Variants in GPHN observed in about 807,000 individuals in gnomAD.
GPHN encodes gephyrin.
Under a neutral mutation model 95.5 loss-of-function variants are expected in GPHN, and 17 were observed. The ratio of observed to expected loss-of-function variants is 0.18; its 90% CI spans 0.12 to 0.27. The LOEUF (loss-of-function observed/expected upper bound fraction) is 0.27, where lower values mean the gene tolerates loss of function less well. Among genes scored for constraint, GPHN ranks in the 10% least tolerant of loss-of-function variants. The pLI is 1.00. For missense variants in GPHN, 660 were observed against 978.1 expected, an observed-to-expected ratio of 0.67 and a Z score of 4.34; for synonymous variants, 320 against 322.5, an observed-to-expected ratio of 0.99 and a Z score of 0.08.
intron 1 of GPHN, among the ~76,000 whole-genome samples, chr14:66,606,402 G>A (rs1396020276): frequency 6.6e-6 from 1 of 152,088 alleles, no homozygotes; most frequent in Non-Finnish European, 1.5e-5. Context: ...TAGCCTTATA[G>A]TATAGTTTGA....
the GPHN span, chr14:67,198,158 C>T: frequency 8.1e-4 from 1,305 of 1,608,700 alleles, 14 homozygotes; most frequent in African/African-American, 0.014. Context: ...TATGTGCAAG[C>T]GCAATGAAGA....
At chr14:67,369,127 C>G in the GPHN span, among the ~76,000 whole-genome samples, 1 of 152,034 alleles carries the variant, frequency 6.6e-6, no homozygotes, top group Non-Finnish European at 1.5e-5. Context: ...AAGCAAGACT[C>G]GACGATAATC....
the GPHN span, among the ~76,000 whole-genome samples, chr14:67,439,534 T>TTTCTTTCC: frequency 3.7e-4 from 5 of 13,452 alleles, no homozygotes; most frequent in East Asian, 4.3e-3. Context: ...AATTCAATAG[T>TTTCTTTCC]TTCTTTCTTT....
At chr14:66,913,110 A>G (rs963334137) in intron 5 of GPHN, among the ~76,000 whole-genome samples, 7 of 152,130 alleles carry the variant, frequency 4.6e-5, no homozygotes, top group East Asian at 1.9e-4. Flanking sequence ...AAATTCCTGT[A>G]TGATGCATAT....
At chr14:67,268,516 G>A in the GPHN span, among the ~76,000 whole-genome samples, 32 of 152,214 alleles carry the variant, frequency 2.1e-4, no homozygotes, top group African/African-American at 7.7e-4. Context: ...TAAGCAAGGG[G>A]TGGATTCATG....
chr14:67,203,064 A>T, the GPHN span: 1 of 1,603,050 alleles, frequency 6.2e-7, no homozygotes, highest in Non-Finnish European at 8.5e-7. Flanking sequence ...ATTTCATCAT[A>T]TAACGCCTTT....
chr14:67,722,656 T>TGGGACTGCTCACCTC, the GPHN span: 5 of 1,613,930 alleles, frequency 3.1e-6, no homozygotes, highest in Non-Finnish European at 3.4e-6. Context: ...CTGGTCACCT[T>TGGGACTGCTCACCTC]GGGACTGCTC....
intron 4 of GPHN, among the ~76,000 whole-genome samples, chr14:66,857,527 A>G (rs991823624): frequency 2.6e-5 from 4 of 152,198 alleles, no homozygotes; most frequent in Non-Finnish European, 5.9e-5. Flanking sequence ...TAAAGCATTG[A>G]AGGAAATAAC....
intron 5 of GPHN, among the ~76,000 whole-genome samples, chr14:66,898,513 G>A (rs2064978167): frequency 7.1e-6 from 1 of 140,574 alleles, no homozygotes; most frequent in Non-Finnish European, 1.5e-5. Flanking sequence ...TCTGTTGAAT[G>A]GCTTTTGCAC....
chr14:66,521,890 G>A (rs1210218059), intron 1 of GPHN, among the ~76,000 whole-genome samples: 3 of 152,148 alleles, frequency 2.0e-5, no homozygotes, highest in Admixed American at 6.5e-5. Context: ...AAAGTGTGCT[G>A]AGCAAGCAGA....
chr14:67,546,437 T>C, the GPHN span, among the ~76,000 whole-genome samples: 2 of 152,200 alleles, frequency 1.3e-5, no homozygotes, highest in Non-Finnish European at 2.9e-5. Context: ...GTTTCTCTCT[T>C]GTTGCCCCGG....
At chr14:66,588,141 G>T (rs527866692) in intron 1 of GPHN, among the ~76,000 whole-genome samples, 3 of 152,284 alleles carry the variant, frequency 2.0e-5, no homozygotes, top group African/African-American at 4.8e-5. Context: ...ACCTTCAGCA[G>T]AGGGGCCTGA....
At position 66,805,399 on chromosome 14, in the gene GPHN, T is replaced by C. The variant is rs562718705; in HGVS notation, c.202-19075T>C. On this transcript the variant is annotated intron_variant, in intron 3 of 22. Transcript: ENST00000478722. ...CACCCCTGGCCCCTCCCAAATCTCA[T>C]ACCCTCACATTTCATACCCAATCAT... is the stretch of plus-strand genomic sequence containing the variant. Among the ~76,000 whole-genome samples, 18 of 152,284 alleles carry C rather than the reference T, an allele frequency of 1.2e-4. 1 individual carries two copies. The highest frequency in any genetic ancestry group is 4.3e-4 in the African/African-American group (18 of 41,562).
At chr14:66,916,641 G>A (rs1030846465) in intron 6 of GPHN, among the ~76,000 whole-genome samples, 1 of 151,982 alleles carries the variant, frequency 6.6e-6, no homozygotes, top group African/African-American at 2.4e-5. Flanking sequence ...ACACCATGTG[G>A]CCAAAAGTCC....
At chr14:67,085,038 A>G (rs930040279) in intron 11 of GPHN, among the ~76,000 whole-genome samples, 1 of 152,262 alleles carries the variant, frequency 6.6e-6, no homozygotes, top group Non-Finnish European at 1.5e-5. Context: ...TTAGCCTACT[A>G]AAGTTTTGGT....
At chr14:67,392,479 G>A in the GPHN span, 2 of 1,390,684 alleles carry the variant, frequency 1.4e-6, no homozygotes, top group African/African-American at 1.4e-5. Flanking sequence ...CCCAGGCCCA[G>A]GCTATGGCGG....
At chr14:66,557,663 A>G (rs1041130257) in intron 1 of GPHN, among the ~76,000 whole-genome samples, 2 of 152,146 alleles carry the variant, frequency 1.3e-5, no homozygotes, top group Non-Finnish European at 2.9e-5. Context: ...CATGAATAAG[A>G]CCAAAGTGTT....
At chr14:67,324,968 A>G in the GPHN span, among the ~76,000 whole-genome samples, 2 of 134,960 alleles carry the variant, frequency 1.5e-5, no homozygotes, top group African/African-American at 2.9e-5. Context: ...GCAGTAGCGC[A>G]ATCTCGGCTG....
intron 3 of GPHN, among the ~76,000 whole-genome samples, chr14:66,797,712 A>G (rs1008197646): frequency 2.0e-5 from 3 of 151,806 alleles, no homozygotes; most frequent in Admixed American, 6.6e-5. Context: ...ATCAGTTCTA[A>G]TAGTTTTCTT....
Sources: allele counts gnomAD v4.1 joint callset (sites outside exome capture counted in the v4.1 genomes callset), GRCh38; gene constraint gnomAD v4.1.1; transcripts MANE v1.5; gene names NCBI Gene and HGNC (gene_info 2026-07-23, HGNC 2026-07-21).